The following COL24A1 variants were observed in gnomAD, a reference collection of about 807,000 sequenced individuals.
COL24A1 encodes the protein collagen type XXIV alpha 1 chain, also known as collagen alpha-1(XXIV) chain.
In COL24A1, 224 loss-of-function variants were observed where a neutral mutation model predicts 253.9. That is an observed-to-expected ratio of 0.88 (90% CI 0.79 to 0.99). The LOEUF (loss-of-function observed/expected upper bound fraction) is 0.99, where lower values mean the gene tolerates loss of function less well. Among genes scored for constraint, COL24A1 ranks in the 50% least tolerant of loss-of-function variants. The pLI, the probability that COL24A1 is intolerant of heterozygous loss-of-function variation, is 0.00. For missense variants in COL24A1, 2,131 were observed against 2,068.5 expected, an observed-to-expected ratio of 1.03 and a Z score of -0.59; for synonymous variants, 685 against 673.7, an observed-to-expected ratio of 1.02 and a Z score of -0.26.
chr1:85,987,515 T>C lies in COL24A1; in HGVS notation c.2364+86A>G, dbSNP rs577796422. ...AAAAATATCCAGAAATGTTCTGATA[T>C]TCCTAAAATATTTTTCCCATTTATT... On this transcript the variant is annotated intron_variant, in intron 20 of 59. Transcript: ENST00000370571. 7 of 1,151,954 alleles carry C rather than the reference T, an allele frequency of 6.1e-6. No homozygotes were observed. In the African/African-American group the frequency reaches 6.2e-5, roughly 10 times the overall value. The allele number at this position is 1,151,954 out of a possible 1,614,324, so 71.4% of individuals were successfully genotyped here. A position where few individuals can be genotyped will look rare whatever the true frequency, so the allele number is the denominator to read the frequency against.
intron 24 of COL24A1, among the ~76,000 whole-genome samples, chr1:85,927,140 G>A (rs146081698): frequency 0.017 from 2,625 of 152,242 alleles, 39 homozygotes; most frequent in South Asian, 0.068. Context: ...CGCAGAAGAC[G>A]GGTGATTTCT....
chr1:85,763,502 T>A (rs1280629833), intron 53 of COL24A1, among the ~76,000 whole-genome samples: 1 of 149,830 alleles, frequency 6.7e-6, no homozygotes, highest in Admixed American at 6.6e-5. Context: ...CTTTTTTTTT[T>A]TTTTTTTGAG....
At position 86,062,011 on chromosome 1, in the gene COL24A1, G is replaced by T. The variant is rs190731432; in HGVS notation, c.1752+1704C>A. On this transcript the variant is annotated intron_variant, in intron 8 of 59. Transcript: ENST00000370571. The stretch of plus-strand genomic sequence containing the variant: ...TTTTCATTAGTAAAATAGAATAACA[G>T]CACTCATTTTGTGGATAAAATAGAA... Among the ~76,000 whole-genome samples, 18 of 152,092 alleles carry T rather than the reference G, an allele frequency of 1.2e-4. 1 individual carries two copies. In the East Asian group the frequency reaches 3.3e-3, roughly 28 times the overall value.
intron 20 of COL24A1, among the ~76,000 whole-genome samples, chr1:85,980,291 G>T (rs555261586): frequency 2.0e-5 from 3 of 152,218 alleles, no homozygotes; most frequent in African/African-American, 7.2e-5. Flanking sequence ...CAAGGATGCC[G>T]ACTTTCACCA....
chr1:85,763,549 T>C (rs1386900957), intron 53 of COL24A1, among the ~76,000 whole-genome samples: 2 of 146,448 alleles, frequency 1.4e-5, no homozygotes, highest in East Asian at 4.1e-4. Context: ...TGGAGTGCAG[T>C]GGTGCGATCT....
chr1:85,943,615 G>A (rs1688958384), intron 24 of COL24A1, among the ~76,000 whole-genome samples: 1 of 152,206 alleles, frequency 6.6e-6, no homozygotes, highest in Non-Finnish European at 1.5e-5. Context: ...TACTGTGAAA[G>A]CAGAAAATCA....
intron 2 of COL24A1, among the ~76,000 whole-genome samples, chr1:86,132,741 C>A (rs1649469724): frequency 6.6e-6 from 1 of 152,136 alleles, no homozygotes. Flanking sequence ...GTTTTGGTAC[C>A]AGTACCATGC....
chr1:86,058,651 A>G (rs958786686), intron 9 of COL24A1, among the ~76,000 whole-genome samples: 1 of 151,894 alleles, frequency 6.6e-6, no homozygotes, highest in Non-Finnish European at 1.5e-5. Context: ...ATACATTTAA[A>G]ATGATTAGAA....
At chr1:85,979,925 C>T (rs1222019212) in intron 20 of COL24A1, among the ~76,000 whole-genome samples, 5 of 152,008 alleles carry the variant, frequency 3.3e-5, no homozygotes, top group Admixed American at 3.3e-4. Context: ...AATATAGATG[C>T]AAAAATCCTC....
intron 4 of COL24A1, among the ~76,000 whole-genome samples, chr1:86,113,017 T>C (rs974329120): frequency 1.3e-5 from 2 of 152,224 alleles, no homozygotes; most frequent in South Asian, 4.1e-4. Flanking sequence ...CCCAGGATTA[T>C]AAATTCTTTG....
At chr1:85,885,793 C>G (rs534900473) in intron 32 of COL24A1, among the ~76,000 whole-genome samples, 1 of 152,230 alleles carries the variant, frequency 6.6e-6, no homozygotes, top group South Asian at 2.1e-4. Flanking sequence ...GGGCAGATGT[C>G]TTTTCAGAAG....
chr1:86,146,253 C>A (rs1447906676), intron 1 of COL24A1, 70 bp from the exon 2 acceptor site: 17 of 1,171,586 alleles, frequency 1.5e-5, no homozygotes, highest in Non-Finnish European at 2.1e-5. Flanking sequence ...GAATCCAAAA[C>A]AGTCTATGCA....
intron 53 of COL24A1, among the ~76,000 whole-genome samples, chr1:85,774,326 A>T (rs928120696): frequency 6.6e-6 from 1 of 152,062 alleles, no homozygotes; most frequent in Non-Finnish European, 1.5e-5. Flanking sequence ...TTGGCCTAAA[A>T]TTCTCTTTTT....
Position 85,798,991 on chromosome 1 carries a change from T to TGTACA in COL24A1, c.3952-12535_3952-12531dup, listed in dbSNP as rs1671112747. Among the ~76,000 whole-genome samples, 6 of 152,252 alleles carry TGTACA rather than the reference T, an allele frequency of 3.9e-5. No homozygotes were observed. In the South Asian group the frequency reaches 1.2e-3, roughly 32 times the overall value. ...TCCTAAATGACTGAGGTACTATGCTTGTACAGAAGTTGAACTCGATGAAAA... is the reference window on the plus strand; with the variant it reads ...TCCTAAATGACTGAGGTACTATGCTTGTACAGTACAGAAGTTGAACTCGATGAAAA... On this transcript the variant is annotated intron_variant, in intron 47 of 59. Coordinates refer to ENST00000370571, the MANE Select transcript of COL24A1 (RefSeq NM_152890.7).
intron 14 of COL24A1, among the ~76,000 whole-genome samples, chr1:86,027,999 C>A (rs893985511): frequency 6.6e-6 from 1 of 152,160 alleles, no homozygotes; most frequent in Non-Finnish European, 1.5e-5. Flanking sequence ...TTAATGACTG[C>A]CCTACTTGAT....
intron 53 of COL24A1, among the ~76,000 whole-genome samples, chr1:85,762,131 C>T (rs1275010749): frequency 2.6e-5 from 4 of 152,050 alleles, no homozygotes; most frequent in East Asian, 1.9e-4. Flanking sequence ...TTTTTCAAAG[C>T]GAAGCAATAA....
chr1:85,736,232 T>C (rs1340995605), intron 58 of COL24A1: 1 of 449,440 alleles, frequency 2.2e-6, no homozygotes, highest in Admixed American at 2.4e-5. Flanking sequence ...AGAACCCCAG[T>C]CCCTGATTCC....
At chr1:85,786,645 TCA>T (rs1669717161) in intron 47 of COL24A1, among the ~76,000 whole-genome samples, 184 bp from the exon 48 acceptor site, 1 of 152,180 alleles carries the variant, frequency 6.6e-6, no homozygotes, top group Admixed American at 6.5e-5. Flanking sequence ...TACTCACCAC[TCA>T]CTTGAAATTT....
intron 2 of COL24A1, 70 bp from the exon 3 acceptor site, chr1:86,126,284 G>T: frequency 7.2e-7 from 1 of 1,383,018 alleles, no homozygotes; most frequent in Non-Finnish European, 9.7e-7. Flanking sequence ...ATAAATGTTT[G>T]AATATGATAA....
Sources: gnomAD v4.1 joint callset for allele counts (sites outside exome capture counted in the v4.1 genomes callset) on GRCh38, gnomAD v4.1.1 for gene constraint, MANE v1.5 for transcripts, NCBI Gene and HGNC (gene_info 2026-07-23, HGNC 2026-07-21) for gene names.